The following ACSM2A variants were observed in gnomAD, a reference collection of about 807,000 sequenced individuals.
The protein encoded by ACSM2A is acyl-coenzyme A synthetase ACSM2A, mitochondrial.
ACSM2A carries 72 observed loss-of-function variants against 76.6 expected under a neutral mutation model. The ratio of observed to expected loss-of-function variants is 0.94; its 90% CI spans 0.78 to 1.14. The LOEUF (loss-of-function observed/expected upper bound fraction) is 1.14, where lower values mean the gene tolerates loss of function less well. Ranked by LOEUF, ACSM2A falls within the 50% of genes most tolerant of loss-of-function variation. The pLI, the probability that ACSM2A is intolerant of heterozygous loss-of-function variation, is 0.00. For missense variants in ACSM2A, 684 were observed against 708.5 expected (o/e 0.97, Z 0.39); for synonymous variants, 249 against 255.9 (o/e 0.97, Z 0.26).
chr16:20,487,472 C>T lies in ACSM2A; in HGVS notation c.*794C>T, dbSNP rs2014437566. 1 of 152,202 alleles carries T rather than the reference C, an allele frequency of 6.6e-6. No homozygotes were observed. The highest frequency in any genetic ancestry group is 1.5e-5 in the Non-Finnish European group (1 of 68,068). 9.4% of individuals were successfully genotyped at this position (152,202 alleles called of 1,614,324 possible). On this transcript the variant is annotated 3_prime_UTR_variant, in exon 14 of 14. Coordinates refer to ENST00000573854, the MANE Select transcript of ACSM2A (RefSeq NM_001308172.2). ...CAGAGGGGAACCACCATTTATTAAGCATTTGCCATGTGCCAGGCACTAACC... is the reference window on the plus strand; with the variant it reads ...CAGAGGGGAACCACCATTTATTAAGTATTTGCCATGTGCCAGGCACTAACC...
At chr16:20,471,301 G>T (rs2271060) in intron 5 of ACSM2A, 85 bp downstream of exon 5, 500,893 of 1,541,818 alleles carry the variant, frequency 0.32, 91,647 homozygotes, top group East Asian at 0.81. Flanking sequence ...TATTAAGTCA[G>T]GTCAACCGGG....
At position 20,458,908 on chromosome 16, in the gene ACSM2A, A is replaced by ATATATATATATATATATATG. The variant is rs2012406607; in HGVS notation, c.-8-1180_-8-1179insGTATATATATATATATATAT. 5.3e-5 allele frequency among the ~76,000 whole-genome samples: 3 copies of ATATATATATATATATATATG among 57,002 alleles called. No homozygotes were observed. The South Asian group carries it at 1.3e-3, about 24-fold the overall frequency. 37.4% of individuals were successfully genotyped at this position (57,002 alleles called of 152,430 possible). ...TAGTATATATTATATATATATGCAT[A>ATATATATATATATATATATG]TATATATATATATATATATATATAC... On this transcript the variant is annotated intron_variant, in intron 1 of 13. Transcript: ENST00000573854.
In ACSM2A at chr16:20,475,748, G is replaced by A. The variant is rs188648395; in HGVS notation, c.1073G>A (p.Arg358Gln). The change falls in exon 8 of 14, where the codon CGA becomes CAA. Residue 358 changes from arginine to glutamine, a missense_variant. This residue lies in a region of ACSM2A where 519 missense variants were observed against 549.5 expected (regional missense o/e 0.94). Transcript: ENST00000573854. Reference protein sequence around the residue: ...NWRAQTGLDIRESYGQTETGL... With the variant: ...NWRAQTGLDIQESYGQTETGL... The stretch of plus-strand genomic sequence containing the variant: ...AGGGCCCAGACAGGACTGGACATCC[G>A]AGAATCCTATGGCCAGACAGAAACG... The A allele has an allele frequency of 1.1e-5, 17 of 1,613,902 alleles. No homozygotes were observed. The highest frequency in any genetic ancestry group is 4.0e-5 in the African/African-American group (3 of 74,912).
Position 20,480,572 on chromosome 16 carries a change from G to C in ACSM2A, c.1282-1G>C, listed in dbSNP as rs1195553667. On this transcript the variant is annotated splice_acceptor_variant, in intron 10 of 13. Transcript: ENST00000573854. LOFTEE classifies it high-confidence loss of function. ...TGACTCTGTCTTTCTGTGGTCACCAGGACAATCCCGACAAGACAGCAGCCA... is the reference window on the plus strand; with the variant it reads ...TGACTCTGTCTTTCTGTGGTCACCACGACAATCCCGACAAGACAGCAGCCA... The C allele has an allele frequency of 6.2e-7, 1 of 1,613,802 alleles. No homozygotes were observed. Among genetic ancestry groups the C allele is most frequent in the Non-Finnish European group, 8.5e-7 (1 of 1,179,774 alleles).
chr16:20,478,608 C>A lies in ACSM2A; in HGVS notation c.1212C>A (p.Pro404=). 6.2e-7 allele frequency: 1 copy of A among 1,613,876 alleles called. No individual in the cohort carries two copies. The highest frequency in any genetic ancestry group is 1.1e-5 in the South Asian group (1 of 91,036). The part of the protein sequence containing the change: ...IIDDKGNVLP[P]GTEGDIGIRV... ...ATGATAAGGGCAACGTCCTGCCCCCCGGCACAGAAGGAGACATTGGCATCA... is the reference window on the plus strand; with the variant it reads ...ATGATAAGGGCAACGTCCTGCCCCCAGGCACAGAAGGAGACATTGGCATCA... Residue 404 remains proline (P), a synonymous_variant, in exon 10 of 14, where the codon CCC becomes CCA. Transcript: ENST00000573854.
chr16:20,468,026 T>C (rs2013120892), intron 3 of ACSM2A, among the ~76,000 whole-genome samples: 1 of 151,892 alleles, frequency 6.6e-6, no homozygotes, highest in African/African-American at 2.4e-5. Context: ...AAGACATGAA[T>C]GCAGCCAGGA....
At chr16:20,468,395 G>A (rs895188031) in intron 3 of ACSM2A, among the ~76,000 whole-genome samples, 5 of 152,170 alleles carry the variant, frequency 3.3e-5, no homozygotes, top group African/African-American at 9.7e-5. Flanking sequence ...TTGAGACGGA[G>A]TCTCCCTCTG....
chr16:20,468,368 TTC>T (rs1156901141), intron 3 of ACSM2A, among the ~76,000 whole-genome samples: 2 of 152,206 alleles, frequency 1.3e-5, no homozygotes, highest in African/African-American at 4.8e-5. Context: ...GTTCTTTTCT[TTC>T]TTTCTTTTAT....
At chr16:20,480,446 C>T in intron 10 of ACSM2A, 127 bp from the exon 11 acceptor site, 3 of 1,476,146 alleles carry the variant, frequency 2.0e-6, no homozygotes, top group Middle Eastern at 4.4e-4. Flanking sequence ...GGCATGTCTG[C>T]CATGTTCAGG....
chr16:20,468,311 G>A (rs570251590), intron 3 of ACSM2A, among the ~76,000 whole-genome samples: 2 of 152,314 alleles, frequency 1.3e-5, no homozygotes, highest in South Asian at 2.1e-4. Context: ...AACAGGACAG[G>A]CATGTGGTTT....
chr16:20,469,930 T>G (rs2013281391), intron 4 of ACSM2A, among the ~76,000 whole-genome samples: 2 of 146,588 alleles, frequency 1.4e-5, no homozygotes, highest in Admixed American at 1.4e-4. Flanking sequence ...GGGCTTGATC[T>G]GCCTGGACCT....
At position 20,478,580 on chromosome 16, in the gene ACSM2A, T is replaced by C. The variant is rs1220783049; in HGVS notation, c.1184T>C (p.Ile395Thr). 6 of 1,613,524 alleles carry C rather than the reference T, an allele frequency of 3.7e-6. No homozygotes were observed. The East Asian group carries it at 6.7e-5, about 18-fold the overall frequency. ...CCAATCTGCTTCTTTCTCCAGATCA[T>C]AGATGATAAGGGCAACGTCCTGCCC... ...TAASCYDVQI[I>T]DDKGNVLPPG... The change falls in exon 10 of 14, where the codon ATA (isoleucine) becomes ACA (threonine). Residue 395 changes from isoleucine (I) to threonine (T), a missense_variant. By Grantham distance (89) the Ile-to-Thr change is moderately conservative. Coordinates refer to ENST00000573854, the MANE Select transcript of ACSM2A (RefSeq NM_001308172.2).
rs963251233 is a variant in ACSM2A at position 20,478,498 on chromosome 16, C to A, written c.1180-78C>A. 200 of 1,523,070 alleles carry A rather than the reference C, an allele frequency of 1.3e-4. No homozygotes were observed. The African/African-American group carries it at 2.5e-3, about 19-fold the overall frequency. The allele number at this position is 1,523,070 out of a possible 1,614,324, so 94.3% of individuals were successfully genotyped here. ...AGAGCAAGAGGGTCTTTCATTTGAC[C>A]AATTCAGCAATCTCATGATGCCATT... is the stretch of plus-strand genomic sequence containing the variant. On this transcript the variant is annotated intron_variant, in intron 9 of 13. Coordinates refer to ENST00000573854, the MANE Select transcript of ACSM2A (RefSeq NM_001308172.2).
intron 2 of ACSM2A, among the ~76,000 whole-genome samples, chr16:20,461,740 A>G (rs1286015309): frequency 4.6e-5 from 7 of 152,190 alleles, no homozygotes; most frequent in Non-Finnish European, 1.0e-4. Context: ...GCAAGTGATA[A>G]TTTTGCTGAA....
chr16:20,465,354 T>G (rs548015569), intron 2 of ACSM2A, among the ~76,000 whole-genome samples, 163 bp from the exon 3 acceptor site: 2 of 152,228 alleles, frequency 1.3e-5, no homozygotes, highest in African/African-American at 2.4e-5. Context: ...ATAACTCATA[T>G]AAATAACAAG....
Position 20,469,578 on chromosome 16 carries a change from C to T in ACSM2A, c.455C>T (p.Ser152Phe). 1 of 1,613,912 alleles carries T rather than the reference C, an allele frequency of 6.2e-7. No individual in the cohort carries two copies. The highest frequency in any genetic ancestry group is 1.3e-5 in the African/African-American group (1 of 75,038). The change falls in exon 4 of 14, where the codon TCT (serine) becomes TTT (phenylalanine). Residue 152 changes from serine (S) to phenylalanine (F), a missense_variant. By Grantham distance (155) the Ser-to-Phe change is radical. Transcript: ENST00000573854. ...STDILYRLQM[S>F]KAKAIVAGDE... ...GACATACTGTATAGGTTGCAGATGTCTAAGGCCAAGGCTATTGTTGCTGGG... is the reference window on the plus strand; with the variant it reads ...GACATACTGTATAGGTTGCAGATGTTTAAGGCCAAGGCTATTGTTGCTGGG...
intron 13 of ACSM2A, among the ~76,000 whole-genome samples, chr16:20,484,727 TC>T (rs1417777011): frequency 6.6e-6 from 1 of 151,800 alleles, no homozygotes; most frequent in Non-Finnish European, 1.5e-5. Flanking sequence ...TTCAGTGTTG[TC>T]CTAAGGCAAG....
At chr16:20,458,127 A>G (rs1202400573) in intron 1 of ACSM2A, among the ~76,000 whole-genome samples, 1 of 151,722 alleles carries the variant, frequency 6.6e-6, no homozygotes, top group African/African-American at 2.4e-5. Context: ...AAGGAAAACT[A>G]CAAAACCCTG....
chr16:20,461,769 T>C (rs568770360), intron 2 of ACSM2A, among the ~76,000 whole-genome samples: 120 of 152,308 alleles, frequency 7.9e-4, no homozygotes, highest in African/African-American at 2.8e-3. Flanking sequence ...TATGCACCTG[T>C]CTTGTTAGTC....
Sources: allele counts gnomAD v4.1 joint callset (sites outside exome capture counted in the v4.1 genomes callset), GRCh38; gene constraint gnomAD v4.1.1; regional missense constraint gnomAD v4.1.1; transcripts MANE v1.5; gene names NCBI Gene and HGNC (gene_info 2026-07-23, HGNC 2026-07-21).